FAT4: variants seen among roughly 807,000 people sequenced by gnomAD.
The protein encoded by FAT4 is protocadherin Fat 4.
In FAT4, 84 loss-of-function variants were observed where a neutral mutation model predicts 303.9. The observed-to-expected ratio is 0.28, with a 90% CI of 0.23 to 0.33. FAT4 has a LOEUF of 0.33. FAT4 is among the 10% of genes least tolerant of loss of function. FAT4 has a pLI of 1.00. For missense variants in FAT4, 6,005 were observed against 6,146.8 expected, an observed-to-expected ratio of 0.98 and a Z score of 0.77; for synonymous variants, 2,307 against 2,298.8, an observed-to-expected ratio of 1.00 and a Z score of -0.10.
At chr4:125,378,622 T>A (rs1325985025) in intron 2 of FAT4, among the ~76,000 whole-genome samples, 1 of 152,126 alleles carries the variant, frequency 6.6e-6, no homozygotes. Context: ...AGTAAGATAA[T>A]ATTTGTTTTG....
At position 125,316,913 on chromosome 4, in the gene FAT4, G is replaced by A. The variant is rs554549454; in HGVS notation, c.502G>A (p.Gly168Ser). ...CACCGACTCGGACATCGGCTCAAAC[G>A]GTGTGGACCACCGCTCCTACCGCAT... ...TATDSDIGSN[G>S]VDHRSYRIIR... The change falls in exon 2 of 18, where the codon GGT (glycine) becomes AGT (serine). Residue 168 changes from glycine (G) to serine (S), a missense_variant. Physicochemically the swap from Gly to Ser is moderately conservative, Grantham distance 56 (BLOSUM62 0). Transcript: ENST00000394329. This position sits in a 1 kb window ranked among gnomAD's most constrained non-coding sequence, Gnocchi z 5.7. 1 of 1,613,878 alleles carries A rather than the reference G, an allele frequency of 6.2e-7. No individual in the cohort carries two copies. Among genetic ancestry groups the A allele is most frequent in the African/African-American group, 1.3e-5 (1 of 75,022 alleles).
chr4:125,387,880 C>A (rs1362492691), intron 2 of FAT4, among the ~76,000 whole-genome samples: 1 of 152,060 alleles, frequency 6.6e-6, no homozygotes, highest in Non-Finnish European at 1.5e-5. Context: ...TATCTGTTAG[C>A]TACTGCCAGA....
chr4:125,374,404 A>C (rs895703349), intron 2 of FAT4, among the ~76,000 whole-genome samples: 1 of 152,208 alleles, frequency 6.6e-6, no homozygotes. Context: ...GAGATATTCC[A>C]TAAGAGATTA....
chr4:125,352,438 A>G (rs1014267470), intron 2 of FAT4, among the ~76,000 whole-genome samples: 156 of 151,892 alleles, frequency 1.0e-3, no homozygotes, highest in African/African-American at 3.5e-3. Context: ...TGTTCTCAAA[A>G]AAATGTTTAC....
At chr4:125,411,020 C>A (rs1734817255) in intron 5 of FAT4, among the ~76,000 whole-genome samples, 1 of 151,994 alleles carries the variant, frequency 6.6e-6, no homozygotes, top group Non-Finnish European at 1.5e-5. Flanking sequence ...AACTTTCCAG[C>A]TCAGTTACAC....
chr4:125,438,543 G>T (rs1298069110), intron 8 of FAT4, among the ~76,000 whole-genome samples: 1 of 152,104 alleles, frequency 6.6e-6, no homozygotes, highest in Non-Finnish European at 1.5e-5. Flanking sequence ...AACCCCATCA[G>T]TGAAAATCTT....
intron 15 of FAT4, among the ~76,000 whole-genome samples, chr4:125,481,202 A>G (rs1323545829): frequency 5.9e-5 from 9 of 152,228 alleles, no homozygotes; most frequent in Admixed American, 5.9e-4. Flanking sequence ...TTTTTCAAGT[A>G]CATATTACCA....
At chr4:125,475,081 C>T (rs1726981108) in intron 12 of FAT4, among the ~76,000 whole-genome samples, 1 of 152,060 alleles carries the variant, frequency 6.6e-6, no homozygotes, top group Admixed American at 6.6e-5. Context: ...TTATTGTCTG[C>T]ATTGGGAGAA....
intron 2 of FAT4, among the ~76,000 whole-genome samples, chr4:125,330,770 A>G (rs1731349441): frequency 6.6e-6 from 1 of 152,214 alleles, no homozygotes; most frequent in Non-Finnish European, 1.5e-5. Context: ...TCTAGCAACC[A>G]GAGTGAGAGT....
intron 7 of FAT4, among the ~76,000 whole-genome samples, chr4:125,418,302 A>G (rs1735151883): frequency 6.6e-6 from 1 of 152,152 alleles, no homozygotes; most frequent in South Asian, 2.1e-4. Flanking sequence ...TAGCCCAGAG[A>G]TAGGTCAACT....
chr4:125,319,303 A>G lies in FAT4; in HGVS notation c.2892A>G (p.Ile964Met). Residue 964 changes from isoleucine (I) to methionine (M), a missense_variant, in exon 2 of 18, where the codon ATA becomes ATG. By Grantham distance (10) the Ile-to-Met change is conservative. Transcript: ENST00000394329. The part of the protein sequence containing the change: ...PLDVHAGSYQ[I>M]EILASDMGVP... Reference sequence around the variant, plus strand: ...ATGTTCATGCTGGCTCCTACCAAATAGAGATCTTGGCATCTGACATGGGTG... The same window carrying G: ...ATGTTCATGCTGGCTCCTACCAAATGGAGATCTTGGCATCTGACATGGGTG... The G allele has an allele frequency of 6.2e-7, 1 of 1,613,564 alleles. No individual in the cohort carries two copies. Among genetic ancestry groups the G allele is most frequent in the South Asian group, 1.1e-5 (1 of 91,070 alleles).
At chr4:125,364,839 A>G (rs541745487) in intron 2 of FAT4, among the ~76,000 whole-genome samples, 2 of 152,346 alleles carry the variant, frequency 1.3e-5, no homozygotes, top group East Asian at 3.9e-4. Context: ...TACCAAAATG[A>G]GAAGCCATCA....
Position 125,449,918 on chromosome 4 carries a change from A to G in FAT4, c.8908A>G (p.Thr2970Ala), listed in dbSNP as rs1283382876. Reference sequence around the variant, plus strand: ...TAAACCTTCCTTAATTAGTGAGACAACAGTTACCATCAATATAGTGGACAG... The same window carrying G: ...TAAACCTTCCTTAATTAGTGAGACAGCAGTTACCATCAATATAGTGGACAG... ...RGKPSLISET[T>A]VTINIVDSND... Residue 2970 changes from threonine (T) to alanine (A), a missense_variant, in exon 10 of 18, where the codon ACA becomes GCA. By Grantham distance (58) the Thr-to-Ala change is moderately conservative (BLOSUM62 0). Transcript: ENST00000394329. 6.2e-7 allele frequency: 1 copy of G among 1,613,974 alleles called. No homozygotes were observed. Among genetic ancestry groups the G allele is most frequent in the Admixed American group, 1.7e-5 (1 of 59,996 alleles).
Position 125,319,789 on chromosome 4 carries a change from T to C in FAT4, c.3378T>C (p.Asp1126=). 1.2e-6 allele frequency: 2 copies of C among 1,614,238 alleles called. No homozygotes were observed. Among genetic ancestry groups the C allele is most frequent in the Non-Finnish European group, 1.7e-6 (2 of 1,180,040 alleles). ...GSFVGKVSAV[D]KDFGPNGEVR... Reference sequence around the variant, plus strand: ...TTGTGGGCAAAGTAAGTGCTGTAGATAAAGACTTTGGGCCAAATGGAGAAG... The same window carrying C: ...TTGTGGGCAAAGTAAGTGCTGTAGACAAAGACTTTGGGCCAAATGGAGAAG... The change falls in exon 2 of 18, where the codon GAT becomes GAC. Residue 1126 remains aspartate (D), a synonymous_variant. Coordinates refer to ENST00000394329, the MANE Select transcript of FAT4 (RefSeq NM_001291303.3).
chr4:125,348,334 A>G (rs1295631627), intron 2 of FAT4, among the ~76,000 whole-genome samples: 1 of 151,860 alleles, frequency 6.6e-6, no homozygotes, highest in Non-Finnish European at 1.5e-5. Flanking sequence ...ACAAAATAGT[A>G]GGGTGCCCAC....
At chr4:125,400,480 T>C (rs1246110835) in intron 3 of FAT4, among the ~76,000 whole-genome samples, 1 of 152,028 alleles carries the variant, frequency 6.6e-6, no homozygotes, top group Non-Finnish European at 1.5e-5. Context: ...CATGTAAGTA[T>C]TAGTATAAAT....
chr4:125,476,185 T>C lies in FAT4; in HGVS notation c.12228T>C (p.Thr4076=), dbSNP rs1003558957. 16 of 1,596,544 alleles carry C rather than the reference T, an allele frequency of 1.0e-5. No individual in the cohort carries two copies. The highest frequency in any genetic ancestry group is 1.2e-5 in the Non-Finnish European group (14 of 1,168,282). The change falls in exon 13 of 18, where the codon ACT becomes ACC. Residue 4076 remains threonine, a synonymous_variant. Coordinates refer to ENST00000394329, the MANE Select transcript of FAT4 (RefSeq NM_001291303.3). ...TTGCTTCGTAGGCAGCCTCCTTAAC[T>C]GTGGACTCCTGTTCTGAGAACCAAG... ...ARRAGMAASL[T]VDSCSENQEP... is the part of the protein sequence containing the mutation.
chr4:125,363,975 A>T (rs1247820810), intron 2 of FAT4, among the ~76,000 whole-genome samples: 2 of 152,156 alleles, frequency 1.3e-5, no homozygotes, highest in African/African-American at 4.8e-5. Flanking sequence ...AATTTAACAT[A>T]TATTTGCTTA....
chr4:125,340,393 T>C (rs1370512540), intron 2 of FAT4, among the ~76,000 whole-genome samples: 1 of 152,062 alleles, frequency 6.6e-6, no homozygotes, highest in African/African-American at 2.4e-5. Context: ...CAACTCTTTT[T>C]TTTTTTTTGA....
Sources: gnomAD v4.1 joint callset for allele counts (sites outside exome capture counted in the v4.1 genomes callset) on GRCh38, gnomAD v4.1.1 for gene constraint, Gnocchi (gnomAD v3.1) non-coding constraint, MANE v1.5 for transcripts, NCBI Gene and HGNC (gene_info 2026-07-23, HGNC 2026-07-21) for gene names.